Variants in KSR2 observed in about 807,000 individuals in gnomAD.
The protein encoded by KSR2 is kinase suppressor of ras 2.
Under a neutral mutation model 107.8 loss-of-function variants are expected in KSR2, and 25 were observed. That is an observed-to-expected ratio of 0.23 (90% CI 0.17 to 0.32). The LOEUF is 0.32. Ranked by LOEUF, KSR2 falls within the 10% of genes least tolerant of loss-of-function variation. The pLI is 1.00. For synonymous variants in KSR2, 480 were observed against 507.0 expected (o/e 0.95, Z 0.71); for missense variants, 887 against 1,268.9 (o/e 0.70, Z 4.57).
Position 117,458,980 on chromosome 12 carries a change from C to A in KSR2, c.*8219G>T, listed in dbSNP as rs1224834688. 6.6e-6 allele frequency: 1 copy of A among 152,318 alleles called. No homozygotes were observed. The highest frequency in any genetic ancestry group is 1.5e-5 in the Non-Finnish European group (1 of 68,094). The allele number at this position is 152,318 out of a possible 1,614,324, so 9.4% of individuals were successfully genotyped here. ...TGCAGCTCTCCTGCACACCACCACGCACACTGTTATTCCTTAAGGCCCCCA... is the reference window on the plus strand; with the variant it reads ...TGCAGCTCTCCTGCACACCACCACGAACACTGTTATTCCTTAAGGCCCCCA... On this transcript the variant is annotated 3_prime_UTR_variant, in exon 20 of 20. Coordinates refer to ENST00000339824, the MANE Select transcript of KSR2 (RefSeq NM_173598.6).
chr12:117,826,229 A>G (rs1020419631), intron 3 of KSR2, among the ~76,000 whole-genome samples: 2 of 152,046 alleles, frequency 1.3e-5, no homozygotes, highest in Non-Finnish European at 2.9e-5. Context: ...CTCTGGATCC[A>G]CCTCTGCTCA....
At chr12:117,669,320 C>T (rs1448505049) in intron 4 of KSR2, among the ~76,000 whole-genome samples, 1 of 151,940 alleles carries the variant, frequency 6.6e-6, no homozygotes, top group Non-Finnish European at 1.5e-5. Flanking sequence ...TTGATACTAT[C>T]AAAAAAAGTG....
chr12:117,574,443 A>G (rs1162850728), intron 7 of KSR2, among the ~76,000 whole-genome samples: 3 of 152,196 alleles, frequency 2.0e-5, no homozygotes, highest in Admixed American at 6.5e-5. Flanking sequence ...TCACAGTTCC[A>G]TGTGGCTGGG....
At chr12:117,575,484 T>C (rs1879226194) in intron 7 of KSR2, among the ~76,000 whole-genome samples, 1 of 152,212 alleles carries the variant, frequency 6.6e-6, no homozygotes. Context: ...CATCCAACTC[T>C]TCTATCAGCT....
At chr12:117,818,238 C>A (rs1891442511) in intron 3 of KSR2, among the ~76,000 whole-genome samples, 1 of 152,132 alleles carries the variant, frequency 6.6e-6, no homozygotes, top group East Asian at 1.9e-4. Context: ...CCATTTGGCC[C>A]TTGGAAGATT....
chr12:117,930,247 G>A (rs138879702), intron 1 of KSR2, among the ~76,000 whole-genome samples: 198 of 151,956 alleles, frequency 1.3e-3, no homozygotes, highest in Middle Eastern at 3.4e-3. Context: ...TTGCCCAGGC[G>A]GGTCTCAAAC....
At chr12:117,760,172 G>A (rs1237864110) in intron 4 of KSR2, among the ~76,000 whole-genome samples, 1 of 152,218 alleles carries the variant, frequency 6.6e-6, no homozygotes, top group African/African-American at 2.4e-5. Context: ...AGACCACACT[G>A]TGTTTACTCA....
chr12:117,681,203 G>A (rs553386119), intron 4 of KSR2, among the ~76,000 whole-genome samples: 2 of 152,334 alleles, frequency 1.3e-5, no homozygotes, highest in South Asian at 2.1e-4. Flanking sequence ...CCAGGAGGTG[G>A]AGGCTGCAGT....
At chr12:117,739,893 T>G (rs73215918) in intron 4 of KSR2, among the ~76,000 whole-genome samples, 5 of 124,748 alleles carry the variant, frequency 4.0e-5, no homozygotes, top group South Asian at 2.7e-4. Context: ...TGTTACTGTT[T>G]TTTTTTTTCA....
At chr12:117,530,895 G>A (rs1875574316) in intron 12 of KSR2, 46 bp downstream of exon 12, 1 of 1,539,768 alleles carries the variant, frequency 6.5e-7, no homozygotes, top group Non-Finnish European at 9.0e-7. Context: ...GTAGGGCCAG[G>A]GCTGGGAAGC....
chr12:117,755,235 G>A (rs1888746688), intron 4 of KSR2, among the ~76,000 whole-genome samples: 1 of 152,112 alleles, frequency 6.6e-6, no homozygotes, highest in African/African-American at 2.4e-5. Context: ...GGACACACAG[G>A]CATATCTTGT....
At chr12:117,848,545 C>A (rs1892780345) in intron 3 of KSR2, among the ~76,000 whole-genome samples, 1 of 152,186 alleles carries the variant, frequency 6.6e-6, no homozygotes, top group African/African-American at 2.4e-5. Flanking sequence ...AACAATCAAG[C>A]CAGACAGAAG....
Position 117,606,473 on chromosome 12 carries a change from C to A in KSR2, c.1172-24114G>T. Among the ~76,000 whole-genome samples, 43 of 105,750 alleles carry A rather than the reference C, an allele frequency of 4.1e-4. 4 individuals are homozygous for A. The highest frequency in any genetic ancestry group is 1.5e-3 in the African/African-American group (41 of 27,142). The allele number at this position is 105,750 out of a possible 152,430, so 69.4% of individuals were successfully genotyped here. A position where few individuals can be genotyped will look rare whatever the true frequency, so the allele number is the denominator to read the frequency against. On this transcript the variant is annotated intron_variant, in intron 5 of 19. Transcript: ENST00000339824. ...CCTCCCTCCCTCCCCTCCTTCCTCC[C>A]TCCCTCCTCTCCTTCCTTCCTCCAT...
In KSR2 at chr12:117,871,316, C is replaced by T. The variant is rs1230698295; in HGVS notation, c.181-10885G>A. 5.9e-5 allele frequency among the ~76,000 whole-genome samples: 9 copies of T among 152,092 alleles called. No individual in the cohort carries two copies. The South Asian group carries it at 1.5e-3, about 25-fold the overall frequency. ...AAGGAATGTCACGCCAGGCCAAGCG[C>T]GGTGGCTCACACCTGTAGTCTCAGC... is the stretch of plus-strand genomic sequence containing the variant. On this transcript the variant is annotated intron_variant, in intron 1 of 19. Transcript: ENST00000339824.
intron 3 of KSR2, among the ~76,000 whole-genome samples, chr12:117,781,856 C>A (rs1441060676): frequency 6.6e-6 from 1 of 152,148 alleles, no homozygotes; most frequent in African/African-American, 2.4e-5. Flanking sequence ...GGAGATGCTG[C>A]CGAACCCAGA....
intron 3 of KSR2, among the ~76,000 whole-genome samples, chr12:117,777,877 T>C (rs946831538): frequency 6.6e-6 from 1 of 151,738 alleles, no homozygotes; most frequent in Non-Finnish European, 1.5e-5. Flanking sequence ...ACTAAAAATA[T>C]GAAAAATTAG....
chr12:117,731,534 G>T (rs538344043), intron 4 of KSR2, among the ~76,000 whole-genome samples: 25 of 152,352 alleles, frequency 1.6e-4, no homozygotes, highest in East Asian at 9.7e-4. Flanking sequence ...GTCTGGGAGG[G>T]GTACCCAACA....
At chr12:117,952,970 G>A (rs1488381185) in intron 1 of KSR2, among the ~76,000 whole-genome samples, 1 of 126,226 alleles carries the variant, frequency 7.9e-6, no homozygotes, top group East Asian at 2.3e-4. Flanking sequence ...GGGCAATAGA[G>A]TGAGACTCCA....
intron 1 of KSR2, among the ~76,000 whole-genome samples, chr12:117,920,919 C>T (rs1324304188): frequency 2.0e-5 from 3 of 152,120 alleles, no homozygotes; most frequent in Non-Finnish European, 4.4e-5. Flanking sequence ...AATGTGGACT[C>T]GCTGTAGGTA....
Sources: gnomAD v4.1 joint callset for allele counts (sites outside exome capture counted in the v4.1 genomes callset) on GRCh38, gnomAD v4.1.1 for gene constraint, MANE v1.5 for transcripts, NCBI Gene and HGNC (gene_info 2026-07-23, HGNC 2026-07-21) for gene names.